PHF21A: variants seen among roughly 807,000 people sequenced by gnomAD.
PHF21A encodes PHD finger protein 21A.
In PHF21A, 11 loss-of-function variants were observed where a neutral mutation model predicts 82.5. That is an observed-to-expected ratio of 0.13 (90% CI 0.08 to 0.22). PHF21A has a LOEUF of 0.22. Ranked by LOEUF, PHF21A falls within the 10% of genes least tolerant of loss-of-function variation. The probability of loss-of-function intolerance (pLI) is 1.00; values close to 1 mark genes in which losing one functional copy is unlikely to be tolerated. For missense variants in PHF21A, 579 were observed against 837.8 expected (o/e 0.69, Z 3.81); for synonymous variants, 297 against 302.8 (o/e 0.98, Z 0.20).
intron 18 of PHF21A, 50 bp downstream of exon 18, chr11:45,935,586 T>C (rs2088745435): frequency 2.2e-6 from 2 of 919,978 alleles, no homozygotes; most frequent in African/African-American, 3.3e-5. Context: ...TGGAAAGGCC[T>C]AGGTCTCTGC....
intron 10 of PHF21A, among the ~76,000 whole-genome samples, chr11:45,959,344 T>A (rs933595928): frequency 6.6e-6 from 1 of 152,222 alleles, no homozygotes; most frequent in African/African-American, 2.4e-5. Context: ...GTTTTTATTT[T>A]AAAAATTCCA....
chr11:46,039,583 T>C (rs1174396854), intron 6 of PHF21A, among the ~76,000 whole-genome samples: 2 of 152,142 alleles, frequency 1.3e-5, no homozygotes, highest in African/African-American at 2.4e-5. Flanking sequence ...TTCTATACCC[T>C]AACAGTCATA....
intron 6 of PHF21A, among the ~76,000 whole-genome samples, chr11:46,029,107 G>C (rs538230839): frequency 7.9e-5 from 12 of 152,154 alleles, no homozygotes; most frequent in Non-Finnish European, 1.6e-4. Flanking sequence ...GTCATGATAA[G>C]CTAAACCTTG....
Position 45,929,701 on chromosome 11 carries a change from GC to G in PHF21A, c.*4266del, listed in dbSNP as rs2087494254. 1 of 152,286 alleles carries G rather than the reference GC, an allele frequency of 6.6e-6. No individual in the cohort carries two copies. 9.4% of individuals were successfully genotyped at this position (152,286 alleles called of 1,614,324 possible). ...GAGGAAGGGCCTTGTGGGAGGGGGC[GC>G]CAAGTGGAACTGGAGAGCCCTGCTT... On this transcript the variant is annotated 3_prime_UTR_variant, in exon 19 of 19. Coordinates refer to ENST00000676320, the MANE Select transcript of PHF21A (RefSeq NM_001352027.3).
At chr11:46,034,227 C>T (rs956955463) in intron 6 of PHF21A, among the ~76,000 whole-genome samples, 5 of 151,748 alleles carry the variant, frequency 3.3e-5, no homozygotes, top group African/African-American at 7.3e-5. Flanking sequence ...CCCCACCCCC[C>T]CCTTGCATAC....
At chr11:46,016,970 G>C (rs1026980741) in intron 6 of PHF21A, among the ~76,000 whole-genome samples, 11 of 118,134 alleles carry the variant, frequency 9.3e-5, no homozygotes, top group African/African-American at 4.3e-4. Context: ...GTTTAACCTG[G>C]ATTTTTTTTT....
chr11:46,080,581 G>T (rs889060761), intron 4 of PHF21A, among the ~76,000 whole-genome samples: 1 of 152,184 alleles, frequency 6.6e-6, no homozygotes, highest in African/African-American at 2.4e-5. Flanking sequence ...ACTACTATGT[G>T]TTAAAGTTCT....
At chr11:45,946,447 G>A (rs1238618395) in intron 14 of PHF21A, among the ~76,000 whole-genome samples, 2 of 152,124 alleles carry the variant, frequency 1.3e-5, no homozygotes, top group Non-Finnish European at 2.9e-5. Context: ...GCTGTGGCAC[G>A]ATCTCGGCTC....
intron 10 of PHF21A, among the ~76,000 whole-genome samples, chr11:45,963,429 A>G (rs965349755): frequency 1.2e-4 from 18 of 151,578 alleles, no homozygotes; most frequent in African/African-American, 4.4e-4. Flanking sequence ...TCAAAAAAAA[A>G]AAAAAAAAAG....
chr11:45,953,621 A>T lies in PHF21A; in HGVS notation c.1001T>A (p.Val334Asp). The T allele has an allele frequency of 6.2e-7, 1 of 1,604,262 alleles. No individual in the cohort carries two copies. The highest frequency in any genetic ancestry group is 2.2e-5 in the East Asian group (1 of 44,734). Residue 334 changes from valine to aspartate, a missense_variant, in exon 11 of 19, where the codon GTT becomes GAT. Val to Asp is a radical substitution (Grantham distance 152, BLOSUM62 -3). Transcript: ENST00000676320. ...LSKPSLEKQT[V>D]KSHTETDEKQ... ...CTCATCTGTTTCTGTGTGAGATTTA[A>T]CTGTCTAGGAGAGAAAAATTAAATA...
At chr11:46,079,779 CAATACTG>C (rs1226374940) in intron 4 of PHF21A, among the ~76,000 whole-genome samples, 1 of 151,012 alleles carries the variant, frequency 6.6e-6, no homozygotes, top group Non-Finnish European at 1.5e-5. Context: ...GAGTGCTACC[CAATACTG>C]AATGGAAAAG....
chr11:45,935,603 G>T, intron 18 of PHF21A, 33 bp downstream of exon 18: 2 of 1,003,222 alleles, frequency 2.0e-6, no homozygotes, highest in Non-Finnish European at 1.6e-6. Context: ...CTGCACCTAT[G>T]TATCGACTGC....
chr11:46,049,855 GT>G (rs11313984), intron 6 of PHF21A, among the ~76,000 whole-genome samples: 152,293 of 152,360 alleles, frequency 1, 76,113 homozygotes, highest in Middle Eastern at 1. Flanking sequence ...TAAAAACAAC[GT>G]TAAGACTATC....
At chr11:46,046,365 A>G (rs906521699) in intron 6 of PHF21A, among the ~76,000 whole-genome samples, 4 of 152,210 alleles carry the variant, frequency 2.6e-5, no homozygotes, top group African/African-American at 4.8e-5. Flanking sequence ...GTATTTCCCC[A>G]TCAAGCAAAA....
chr11:45,938,362 T>C (rs2089602654), intron 15 of PHF21A, 50 bp from the exon 16 acceptor site: 1 of 1,506,054 alleles, frequency 6.6e-7, no homozygotes, highest in African/African-American at 1.4e-5. Flanking sequence ...AGGTAAAATT[T>C]TAATGTTAAC....
At chr11:45,968,340 C>T (rs1347982981) in intron 9 of PHF21A, among the ~76,000 whole-genome samples, 15 of 152,176 alleles carry the variant, frequency 9.9e-5, no homozygotes, top group Admixed American at 9.8e-4. Context: ...TCTTGCATAG[C>T]CTACAAGGTT....
chr11:45,966,820 T>C (rs141805772), intron 9 of PHF21A, among the ~76,000 whole-genome samples: 324 of 152,178 alleles, frequency 2.1e-3, no homozygotes, highest in Non-Finnish European at 3.4e-3. Flanking sequence ...GGTTTCACCA[T>C]GTTGGCCAGG....
intron 6 of PHF21A, among the ~76,000 whole-genome samples, chr11:46,012,539 C>A (rs985419474): frequency 6.6e-6 from 1 of 152,160 alleles, no homozygotes; most frequent in Non-Finnish European, 1.5e-5. Context: ...AGTTAACTCA[C>A]GACAGTCTCT....
chr11:46,004,448 G>A (rs2095241797), intron 6 of PHF21A, among the ~76,000 whole-genome samples: 1 of 152,146 alleles, frequency 6.6e-6, no homozygotes, highest in Non-Finnish European at 1.5e-5. Flanking sequence ...GAGTAGGGAA[G>A]GGGTAGAGGA....
Sources: allele counts gnomAD v4.1 joint callset (sites outside exome capture counted in the v4.1 genomes callset), GRCh38; gene constraint gnomAD v4.1.1; transcripts MANE v1.5; gene names NCBI Gene and HGNC (gene_info 2026-07-23, HGNC 2026-07-21).